TCTN3: variants seen among roughly 807,000 people sequenced by gnomAD.
TCTN3 encodes the protein tectonic family member 3, also known as tectonic-3.
In TCTN3, 57 loss-of-function variants were observed where a neutral mutation model predicts 71.3. That is an observed-to-expected ratio of 0.80 (90% CI 0.65 to 1.00). TCTN3 has a LOEUF of 1.00. Ranked by LOEUF, TCTN3 falls within the 50% of genes least tolerant of loss-of-function variation. The pLI, the probability that TCTN3 is intolerant of heterozygous loss-of-function variation, is 0.00. For synonymous variants in TCTN3, 258 were observed against 267.8 expected (o/e 0.96, Z 0.36); for missense variants, 696 against 719.9 (o/e 0.97, Z 0.38).
At chr10:95,671,159 C>CA (rs1406063437) in intron 13 of TCTN3, among the ~76,000 whole-genome samples, 1 of 152,192 alleles carries the variant, frequency 6.6e-6, no homozygotes, top group African/African-American at 2.4e-5. Context: ...ATAACTCTCT[C>CA]AAAATCTGGT....
In TCTN3 at chr10:95,687,113, G is replaced by T; in HGVS notation, c.783C>A (p.Asn261Lys). 1 of 1,614,128 alleles carries T rather than the reference G, an allele frequency of 6.2e-7. No individual in the cohort carries two copies. Among genetic ancestry groups the T allele is most frequent in the South Asian group, 1.1e-5 (1 of 91,080 alleles). ...AATCCAAGGTACAGCTACTAGCCAG[G>T]TTCTTGAAAAAACGAGTGCAAGTTG... is the stretch of plus-strand genomic sequence containing the variant. Reference protein sequence around the residue: ...KSTTCTRFFKNLASSCTLDSA... With the variant: ...KSTTCTRFFKKLASSCTLDSA... Residue 261 changes from asparagine to lysine, a missense_variant, in exon 6 of 14, where the codon AAC becomes AAA. Physicochemically the swap from Asn to Lys is moderately conservative, Grantham distance 94. Coordinates refer to ENST00000371217, the MANE Select transcript of TCTN3 (RefSeq NM_015631.6).
intron 13 of TCTN3, among the ~76,000 whole-genome samples, chr10:95,675,491 A>T (rs923148940): frequency 1.3e-5 from 2 of 152,268 alleles, no homozygotes; most frequent in Non-Finnish European, 2.9e-5. Context: ...AGCTGAATGA[A>T]CTAGGTCAGT....
chr10:95,683,400 A>G, intron 10 of TCTN3, 122 bp downstream of exon 10: 2 of 1,557,670 alleles, frequency 1.3e-6, no homozygotes, highest in South Asian at 1.2e-5. Flanking sequence ...ATATTAGTAT[A>G]TAAGTACCTC....
chr10:95,674,210 C>T (rs1370469528), intron 13 of TCTN3, among the ~76,000 whole-genome samples: 1 of 152,064 alleles, frequency 6.6e-6, no homozygotes, highest in African/African-American at 2.4e-5. Flanking sequence ...TTTAGATCTC[C>T]TTTATCTCAG....
intron 13 of TCTN3, 25 bp from the exon 14 acceptor site, chr10:95,664,325 G>A: frequency 1.2e-6 from 2 of 1,600,700 alleles, no homozygotes; most frequent in Non-Finnish European, 1.7e-6. Context: ...TCAATGACAG[G>A]TCAGCGCTTG....
chr10:95,683,466 C>T lies in TCTN3; in HGVS notation c.1203+56G>A, dbSNP rs749370484. On this transcript the variant is annotated intron_variant, in intron 10 of 13. Coordinates refer to ENST00000371217, the MANE Select transcript of TCTN3 (RefSeq NM_015631.6). Reference sequence around the variant, plus strand: ...GGCTAGTCTAACATAAGTTTGAAAGCCTTTGCAGCTTTTCTCATTAGGCTG... The same window carrying T: ...GGCTAGTCTAACATAAGTTTGAAAGTCTTTGCAGCTTTTCTCATTAGGCTG... 6 of 1,613,676 alleles carry T rather than the reference C, an allele frequency of 3.7e-6. No individual in the cohort carries two copies. The East Asian group carries it at 1.3e-4, about 36-fold the overall frequency.
At chr10:95,686,989 C>T in intron 6 of TCTN3, 55 bp downstream of exon 6, 12 of 1,420,066 alleles carry the variant, frequency 8.5e-6, no homozygotes, top group Non-Finnish European at 1.1e-5. Flanking sequence ...CAGTGAGAAG[C>T]ATGTTCACTT....
rs2097955821 is a variant in TCTN3 at position 95,693,637 on chromosome 10, C to A, written c.256+7G>T. ...TAAGTTTCCACCCCCACAACGTTTT[C>A]CCTCACCTGGGAAGAGGTCCACAGT... On this transcript the variant is annotated splice_region_variant and intron_variant, in intron 1 of 13. Coordinates refer to ENST00000371217, the MANE Select transcript of TCTN3 (RefSeq NM_015631.6). The A allele has an allele frequency of 6.5e-7, 1 of 1,549,410 alleles. No individual in the cohort carries two copies. The highest frequency in any genetic ancestry group is 8.7e-7 in the Non-Finnish European group (1 of 1,146,372).
chr10:95,683,646 G>C lies in TCTN3; in HGVS notation c.1096-17C>G. Reference sequence around the variant, plus strand: ...TTGAAAAGCCTGCAGAAAGAGGGAAGAGAAGTCAATTATGGAGATAAGCAT... The same window carrying C: ...TTGAAAAGCCTGCAGAAAGAGGGAACAGAAGTCAATTATGGAGATAAGCAT... On this transcript the variant is annotated splice_polypyrimidine_tract_variant and intron_variant, in intron 9 of 13. Coordinates refer to ENST00000371217, the MANE Select transcript of TCTN3 (RefSeq NM_015631.6). 303 of 1,553,452 alleles carry C rather than the reference G, an allele frequency of 2.0e-4. No individual in the cohort carries two copies. Among genetic ancestry groups the C allele is most frequent in the Non-Finnish European group, 2.4e-4 (276 of 1,130,112 alleles).
chr10:95,681,513 G>C (rs7073936), intron 12 of TCTN3, among the ~76,000 whole-genome samples: 127,940 of 152,156 alleles, frequency 0.84, 54,349 homozygotes, highest in Non-Finnish European at 0.91. Context: ...AAGATGATAC[G>C]TAAGGGTTAG....
At chr10:95,665,414 G>C (rs986094924) in intron 13 of TCTN3, among the ~76,000 whole-genome samples, 3 of 152,050 alleles carry the variant, frequency 2.0e-5, no homozygotes, top group Admixed American at 2.0e-4. Context: ...AAGTAGCTGG[G>C]ATTATAGGCA....
Position 95,670,055 on chromosome 10 carries a change from C to A in TCTN3, c.1591-5755G>T, listed in dbSNP as rs1414675325. On this transcript the variant is annotated intron_variant, in intron 13 of 13. Coordinates refer to ENST00000371217, the MANE Select transcript of TCTN3 (RefSeq NM_015631.6). ...CTCCAGCCTGGGCGACAGCGAGACT[C>A]CGTCTCAAAAAAAAAAAAAAAAAAA... is the stretch of plus-strand genomic sequence containing the variant. Among the ~76,000 whole-genome samples, 3 of 88,852 alleles carry A rather than the reference C, an allele frequency of 3.4e-5. No homozygotes were observed. The East Asian group carries it at 8.8e-4, about 26-fold the overall frequency. 58.3% of individuals were successfully genotyped at this position (88,852 alleles called of 152,430 possible). A position where few individuals can be genotyped will look rare whatever the true frequency, so the allele number is the denominator to read the frequency against.
Position 95,693,046 on chromosome 10 carries a change from G to A in TCTN3, c.381-8C>T. The A allele has an allele frequency of 6.3e-7, 1 of 1,592,662 alleles. No individual in the cohort carries two copies. The highest frequency in any genetic ancestry group is 1.1e-5 in the South Asian group (1 of 89,838). Reference sequence around the variant, plus strand: ...CAAACCCAGCTTGAAGACCTGTGAGGAAAGAGGAGGGAGAAGATATATTTA... The same window carrying A: ...CAAACCCAGCTTGAAGACCTGTGAGAAAAGAGGAGGGAGAAGATATATTTA... On this transcript the variant is annotated splice_polypyrimidine_tract_variant and splice_region_variant and intron_variant, in intron 2 of 13. Coordinates refer to ENST00000371217, the MANE Select transcript of TCTN3 (RefSeq NM_015631.6).
Position 95,693,122 on chromosome 10 carries a change from T to C in TCTN3, c.381-84A>G. On this transcript the variant is annotated intron_variant, in intron 2 of 13. Coordinates refer to ENST00000371217, the MANE Select transcript of TCTN3 (RefSeq NM_015631.6). ...GAGTGTCCCAGCAATATCGGCCAGA[T>C]GATGCCAAAGAGGACTCCTTGGGCA... The C allele has an allele frequency of 2.4e-6, 3 of 1,259,380 alleles. No individual in the cohort carries two copies. The South Asian group carries it at 3.9e-5, about 17-fold the overall frequency. 78.0% of individuals were successfully genotyped at this position (1,259,380 alleles called of 1,614,324 possible).
chr10:95,693,310 G>T, intron 2 of TCTN3, 43 bp downstream of exon 2: 1 of 1,550,148 alleles, frequency 6.5e-7, no homozygotes, highest in Non-Finnish European at 8.7e-7. Flanking sequence ...CCCGTTGTAG[G>T]CCCCAAACCC....
chr10:95,683,308 A>G, intron 10 of TCTN3, 113 bp from the exon 11 acceptor site: 4 of 1,498,846 alleles, frequency 2.7e-6, no homozygotes, highest in Middle Eastern at 3.6e-4. Flanking sequence ...TATTACTATC[A>G]TAATGTTCGA....
At chr10:95,678,886 T>A (rs2097940090) in intron 13 of TCTN3, among the ~76,000 whole-genome samples, 1 of 152,212 alleles carries the variant, frequency 6.6e-6, no homozygotes, top group Non-Finnish European at 1.5e-5. Context: ...GGGGATGAGC[T>A]GGTTAGCCCA....
chr10:95,680,860 C>G (rs1010551043), intron 12 of TCTN3, among the ~76,000 whole-genome samples: 2 of 149,974 alleles, frequency 1.3e-5, no homozygotes, highest in African/African-American at 4.9e-5. Flanking sequence ...CTCACTGCAA[C>G]CTTTGCCTCC....
At position 95,687,253 on chromosome 10, in the gene TCTN3, G is replaced by C. The variant is rs1389518788; in HGVS notation, c.730C>G (p.Pro244Ala). Residue 244 changes from proline to alanine, a missense_variant, in exon 5 of 14, where the codon CCT becomes GCT. Pro to Ala is a conservative substitution (Grantham distance 27, BLOSUM62 -1). Coordinates refer to ENST00000371217, the MANE Select transcript of TCTN3 (RefSeq NM_015631.6). ...ACTTTTGCTCTGGATTCACCTGCAGGATTGCTTTCAGCACAGAGTCCCCCA... is the reference window on the plus strand; with the variant it reads ...ACTTTTGCTCTGGATTCACCTGCAGCATTGCTTTCAGCACAGAGTCCCCCA... ...GAGGLCAESN[P>A]AGFLESKSTT... is the part of the protein sequence containing the mutation. The C allele has an allele frequency of 1.9e-6, 3 of 1,613,928 alleles. No individual in the cohort carries two copies. The highest frequency in any genetic ancestry group is 1.7e-6 in the Non-Finnish European group (2 of 1,179,882).
Sources: allele counts gnomAD v4.1 joint callset (sites outside exome capture counted in the v4.1 genomes callset), GRCh38; gene constraint gnomAD v4.1.1; transcripts MANE v1.5; gene names NCBI Gene and HGNC (gene_info 2026-07-23, HGNC 2026-07-21).